Variants in DOCK10 observed in about 807,000 individuals in gnomAD.
The protein encoded by DOCK10 is dedicator of cytokinesis protein 10.
Under a neutral mutation model 280.1 loss-of-function variants are expected in DOCK10, and 145 were observed. That is an observed-to-expected ratio of 0.52 (90% confidence interval 0.45 to 0.59). The LOEUF is 0.59. DOCK10 is among the 20% of genes least tolerant of loss of function. The probability of loss-of-function intolerance (pLI) is 0.00; values close to 1 mark genes in which losing one functional copy is unlikely to be tolerated. For synonymous variants in DOCK10, 915 were observed against 942.2 expected (o/e 0.97, Z 0.53); for missense variants, 2,368 against 2,651.7 (o/e 0.89, Z 2.35).
chr2:225,025,635 A>C (rs1575172436), intron 1 of DOCK10, among the ~76,000 whole-genome samples: 1 of 152,220 alleles, frequency 6.6e-6, no homozygotes, highest in African/African-American at 2.4e-5. Flanking sequence ...AGTTTTAAAA[A>C]GTCCCTGAAC....
chr2:224,882,412 T>C (rs1276367125), intron 7 of DOCK10, among the ~76,000 whole-genome samples: 1 of 152,224 alleles, frequency 6.6e-6, no homozygotes, highest in Non-Finnish European at 1.5e-5. Context: ...GGCTTTGTTT[T>C]GTTTTGTGTT....
chr2:224,989,903 A>G (rs925134135), intron 1 of DOCK10, among the ~76,000 whole-genome samples: 8 of 152,160 alleles, frequency 5.3e-5, no homozygotes, highest in Non-Finnish European at 8.8e-5. Flanking sequence ...TGTGATTTCT[A>G]GAGACCTTTT....
At chr2:225,001,591 A>G (rs1468758603) in intron 1 of DOCK10, among the ~76,000 whole-genome samples, 1 of 152,198 alleles carries the variant, frequency 6.6e-6, no homozygotes, top group Admixed American at 6.5e-5. Context: ...CCTGGCCAGT[A>G]TACAACAGAC....
intron 1 of DOCK10, among the ~76,000 whole-genome samples, chr2:225,022,538 A>G (rs628493): frequency 0.72 from 109,571 of 152,072 alleles, 40,844 homozygotes; most frequent in Middle Eastern, 0.86. Flanking sequence ...TTTCACACAC[A>G]TGTAGAACTT....
In DOCK10 at chr2:224,952,335, T is replaced by C. The variant is rs115433894; in HGVS notation, c.124-20667A>G. 6.2e-3 allele frequency among the ~76,000 whole-genome samples: 939 copies of C among 152,266 alleles called. 12 individuals are homozygous for C. The highest frequency in any genetic ancestry group is 0.02 in the African/African-American group (830 of 41,544). On this transcript the variant is annotated intron_variant, in intron 1 of 55. Transcript: ENST00000258390. Reference sequence around the variant, plus strand: ...AGACACTTGGCCTTTGGTTGTGGTTTCCACTGACCACTGAGATCCAGGTTG... The same window carrying C: ...AGACACTTGGCCTTTGGTTGTGGTTCCCACTGACCACTGAGATCCAGGTTG...
At chr2:224,830,669 AT>A in intron 26 of DOCK10, 57 bp from the exon 27 acceptor site, 1 of 1,101,770 alleles carries the variant, frequency 9.1e-7, no homozygotes. Context: ...AATAATGATA[AT>A]TTTTTCTTTG....
intron 1 of DOCK10, among the ~76,000 whole-genome samples, chr2:224,953,427 A>C (rs1703872649): frequency 6.6e-6 from 1 of 152,164 alleles, no homozygotes; most frequent in Non-Finnish European, 1.5e-5. Context: ...ACCAGTGTAC[A>C]CCCTGCTTAA....
intron 14 of DOCK10, chr2:224,861,455 A>C (rs1697491705): frequency 6.6e-6 from 1 of 152,226 alleles, no homozygotes; most frequent in South Asian, 2.1e-4. Context: ...CCTTGCTATG[A>C]CGCTGCCTTA....
chr2:224,802,540 G>A (rs1693083895), intron 39 of DOCK10, among the ~76,000 whole-genome samples: 1 of 152,118 alleles, frequency 6.6e-6, no homozygotes, highest in Non-Finnish European at 1.5e-5. Flanking sequence ...GTCCACAGGG[G>A]GCTGACATGT....
chr2:225,039,053 T>G (rs150834780), intron 1 of DOCK10, among the ~76,000 whole-genome samples: 129 of 152,324 alleles, frequency 8.5e-4, no homozygotes, highest in African/African-American at 3.0e-3. Context: ...AATGTATATC[T>G]TAATGAATTA....
chr2:224,860,831 T>C (rs1367707777), intron 14 of DOCK10: 2 of 152,248 alleles, frequency 1.3e-5, no homozygotes, highest in Non-Finnish European at 2.9e-5. Context: ...CCAGGAGACC[T>C]TGGCCTCCTA....
chr2:224,919,572 G>A (rs1701572422), intron 2 of DOCK10, among the ~76,000 whole-genome samples: 1 of 150,972 alleles, frequency 6.6e-6, no homozygotes, highest in Non-Finnish European at 1.5e-5. Flanking sequence ...GTCTGCATGT[G>A]TATGTGTGTA....
chr2:225,033,135 T>A (rs1690128476), intron 1 of DOCK10, among the ~76,000 whole-genome samples: 1 of 152,158 alleles, frequency 6.6e-6, no homozygotes, highest in African/African-American at 2.4e-5. Context: ...AGAAATACAG[T>A]ATTTTCACAT....
At position 224,773,165 on chromosome 2, in the gene DOCK10, T is replaced by A. The variant is rs1233383798; in HGVS notation, c.6196A>T (p.Ser2066Cys). 6.2e-7 allele frequency: 1 copy of A among 1,611,208 alleles called. No homozygotes were observed. Among genetic ancestry groups the A allele is most frequent in the Non-Finnish European group, 8.5e-7 (1 of 1,177,918 alleles). ...RLQLKLQGSV[S>C]VKVNAGPMAY... Reference sequence around the variant, plus strand: ...GGGCAATGCTTACTCACCTTCACGCTGACACTTCCTTGCAGTTTGAGCTGC... The same window carrying A: ...GGGCAATGCTTACTCACCTTCACGCAGACACTTCCTTGCAGTTTGAGCTGC... The change falls in exon 53 of 56, where the codon AGC (serine) becomes TGC (cysteine). Residue 2066 changes from serine to cysteine, a missense_variant. Ser to Cys is a moderately radical substitution (Grantham distance 112, BLOSUM62 -1). Transcript: ENST00000258390.
chr2:225,015,809 G>A (rs1410819551), intron 1 of DOCK10, among the ~76,000 whole-genome samples: 1 of 152,052 alleles, frequency 6.6e-6, no homozygotes, highest in Non-Finnish European at 1.5e-5. Flanking sequence ...CTGATTATAG[G>A]CATTGTATTT....
intron 1 of DOCK10, among the ~76,000 whole-genome samples, chr2:225,014,082 T>TATATATATA (rs143161746): frequency 2.0e-3 from 93 of 45,712 alleles, no homozygotes; most frequent in African/African-American, 6.4e-3. Context: ...TCTGAATATA[T>TATATATATA]TGTTTTTTTT....
chr2:224,816,596 A>G, intron 30 of DOCK10, 21 bp downstream of exon 30: 1 of 1,451,314 alleles, frequency 6.9e-7, no homozygotes, highest in Non-Finnish European at 9.6e-7. Flanking sequence ...GAACTGAGGA[A>G]AATTCTGGGA....
chr2:224,801,773 C>T (rs772248120), intron 40 of DOCK10, 143 bp downstream of exon 40: 2 of 898,776 alleles, frequency 2.2e-6, no homozygotes, highest in Non-Finnish European at 3.4e-6. Context: ...TTTTTAACCA[C>T]TCCCTGGTGA....
chr2:224,935,968 T>A (rs747982440), intron 1 of DOCK10, among the ~76,000 whole-genome samples: 1 of 152,158 alleles, frequency 6.6e-6, no homozygotes, highest in Non-Finnish European at 1.5e-5. Flanking sequence ...GGAGAAAATA[T>A]AGTCACCCTA....
Sources: allele counts gnomAD v4.1 joint callset (sites outside exome capture counted in the v4.1 genomes callset), GRCh38; gene constraint gnomAD v4.1.1; transcripts MANE v1.5; gene names NCBI Gene and HGNC (gene_info 2026-07-23, HGNC 2026-07-21).